Variants in TANC2 observed in about 807,000 individuals in gnomAD.
The protein encoded by TANC2 is protein TANC2.
In TANC2, 26 loss-of-function variants were observed where a neutral mutation model predicts 210.5. The observed-to-expected ratio is 0.12, with a 90% confidence interval of 0.09 to 0.17. The LOEUF is 0.17. Ranked by LOEUF, TANC2 falls within the 10% of genes least tolerant of loss-of-function variation. The pLI, the probability that TANC2 is intolerant of heterozygous loss-of-function variation, is 1.00. For missense variants in TANC2, 2,129 were observed against 2,608.9 expected (o/e 0.82, Z 4.01); for synonymous variants, 931 against 967.1 (o/e 0.96, Z 0.69).
intron 3 of TANC2, among the ~76,000 whole-genome samples, chr17:63,094,077 G>A (rs2037300220): frequency 6.6e-6 from 1 of 152,122 alleles, no homozygotes; most frequent in African/African-American, 2.4e-5. Context: ...TTCATTGCTA[G>A]TATATAGAAA....
At chr17:63,286,088 A>C (rs953368481) in intron 9 of TANC2, among the ~76,000 whole-genome samples, 1 of 152,160 alleles carries the variant, frequency 6.6e-6, no homozygotes, top group South Asian at 2.1e-4. Context: ...CATTTTACTT[A>C]TATAAATGTT....
intron 5 of TANC2, among the ~76,000 whole-genome samples, chr17:63,176,805 CAAAAAA>C (rs60736520): frequency 2.1e-5 from 2 of 93,154 alleles, no homozygotes; most frequent in Non-Finnish European, 2.1e-5. Context: ...GACTCCATCT[CAAAAAA>C]AAAAAAAAAA....
intron 7 of TANC2, 94 bp downstream of exon 7, chr17:63,201,051 A>G: frequency 1.8e-6 from 2 of 1,126,428 alleles, no homozygotes; most frequent in Non-Finnish European, 2.5e-6. Flanking sequence ...CTGCTTTTGA[A>G]TTGTTGAGAT....
chr17:63,304,092 G>A (rs114352914), intron 9 of TANC2, among the ~76,000 whole-genome samples: 21,468 of 151,860 alleles, frequency 0.14, 1,955 homozygotes, highest in Middle Eastern at 0.21. Context: ...CTGTCTATTC[G>A]TCCATCTCAT....
In TANC2 at chr17:63,351,425, T is replaced by G; in HGVS notation, c.1974+9T>G. 6.4e-7 allele frequency: 1 copy of G among 1,570,996 alleles called. No individual in the cohort carries two copies. ...TTAGGACCAGTTTACAGGTATGTGT[T>G]TGTTTGCTTTTAAACCATAAATGAT... On this transcript the variant is annotated intron_variant, in intron 13 of 27. Transcript: ENST00000689528.
At chr17:63,224,957 G>C (rs2042292109) in intron 7 of TANC2, among the ~76,000 whole-genome samples, 1 of 152,152 alleles carries the variant, frequency 6.6e-6, no homozygotes, top group African/African-American at 2.4e-5. Context: ...TCCTCATATA[G>C]ATCTCCTTTG....
At chr17:63,386,132 G>A (rs1047566620) in intron 15 of TANC2, among the ~76,000 whole-genome samples, 1 of 152,140 alleles carries the variant, frequency 6.6e-6, no homozygotes, top group Non-Finnish European at 1.5e-5. Context: ...ATGCATAGGT[G>A]TATAAAGATA....
intron 7 of TANC2, among the ~76,000 whole-genome samples, chr17:63,217,776 G>C (rs528580989): frequency 1.3e-5 from 2 of 152,164 alleles, no homozygotes; most frequent in South Asian, 2.1e-4. Flanking sequence ...ATGAACAGGA[G>C]AGTACAGACC....
At chr17:63,162,012 A>G (rs1017665461) in intron 5 of TANC2, among the ~76,000 whole-genome samples, 1 of 152,168 alleles carries the variant, frequency 6.6e-6, no homozygotes, top group African/African-American at 2.4e-5. Context: ...GATGGCAGAA[A>G]TTTGATTGCA....
chr17:63,313,120 C>G (rs2146577599), intron 9 of TANC2, among the ~76,000 whole-genome samples: 1 of 152,216 alleles, frequency 6.6e-6, no homozygotes, highest in African/African-American at 2.4e-5. Flanking sequence ...CTCATTTTCC[C>G]CTTTGTGATT....
chr17:63,342,302 AT>A (rs1304489029), intron 12 of TANC2, among the ~76,000 whole-genome samples: 1 of 152,134 alleles, frequency 6.6e-6, no homozygotes, highest in Non-Finnish European at 1.5e-5. Context: ...TTTTGTACTT[AT>A]CCCTTTGAGT....
chr17:62,977,740 C>T (rs2032088828), intron 1 of TANC2, among the ~76,000 whole-genome samples: 1 of 151,918 alleles, frequency 6.6e-6, no homozygotes, highest in African/African-American at 2.4e-5. Context: ...CTAAAATAAA[C>T]AAACTCTAGG....
rs187352487 is a variant in TANC2 at position 63,375,696 on chromosome 17, A to G, written c.2583-4022A>G. Among the ~76,000 whole-genome samples the G allele has an allele frequency of 5.3e-4, 80 of 152,362 alleles. No individual in the cohort carries two copies. In the South Asian group the frequency reaches 7.0e-3, roughly 13 times the overall value. On this transcript the variant is annotated intron_variant, in intron 14 of 27. Coordinates refer to ENST00000689528, the Ensembl canonical transcript of TANC2. ...AATTTTGAGATCTTGAGAGTAAGAT[A>G]CTTCATAAATGCTTTGTATTGTTGT...
intron 1 of TANC2, among the ~76,000 whole-genome samples, chr17:62,979,991 G>A (rs1402722124): frequency 6.6e-6 from 1 of 152,136 alleles, no homozygotes; most frequent in Non-Finnish European, 1.5e-5. Flanking sequence ...CACTAGTTTG[G>A]CTTGAACCTT....
intron 1 of TANC2, among the ~76,000 whole-genome samples, chr17:62,989,967 T>TTTCACCGTCTTGG (rs2032775962): frequency 6.6e-6 from 1 of 151,614 alleles, no homozygotes; most frequent in Non-Finnish European, 1.5e-5. Flanking sequence ...AGAGATGGGG[T>TTTCACCGTCTTGG]TTCACCGTCT....
intron 3 of TANC2, among the ~76,000 whole-genome samples, chr17:63,094,578 A>G (rs1043617822): frequency 6.6e-6 from 1 of 152,142 alleles, no homozygotes; most frequent in African/African-American, 2.4e-5. Flanking sequence ...TATTTTTATT[A>G]CTTGAAAAAC....
exon 28 of TANC2, chr17:63,426,477 TACAG>T (rs911340895): frequency 2.0e-5 from 3 of 152,254 alleles, no homozygotes; most frequent in African/African-American, 4.8e-5. Flanking sequence ...CCTTTTGTCA[TACAG>T]ACCACTCAAG....
intron 1 of TANC2, among the ~76,000 whole-genome samples, chr17:62,995,433 A>C (rs913168467): frequency 6.6e-6 from 1 of 152,200 alleles, no homozygotes; most frequent in Non-Finnish European, 1.5e-5. Flanking sequence ...AAGTTAGGCA[A>C]TTTAGTCTAA....
intron 9 of TANC2, among the ~76,000 whole-genome samples, chr17:63,280,372 G>GT (rs936351181): frequency 1.7e-3 from 262 of 151,444 alleles, no homozygotes; most frequent in African/African-American, 5.3e-3. Flanking sequence ...GTAAAACCTA[G>GT]TTTTTTTTTA....
Sources: gnomAD v4.1 joint callset for allele counts (sites outside exome capture counted in the v4.1 genomes callset) on GRCh38, gnomAD v4.1.1 for gene constraint, MANE v1.5 for transcripts, NCBI Gene and HGNC (gene_info 2026-07-23, HGNC 2026-07-21) for gene names.